Variants in KIF26B observed in about 807,000 individuals in gnomAD.
KIF26B encodes kinesin-like protein KIF26B.
A neutral mutation model predicts 151.2 loss-of-function variants in KIF26B; 63 were observed. The observed-to-expected ratio is 0.42, with a 90% CI of 0.34 to 0.51. KIF26B has a LOEUF of 0.51. Ranked by LOEUF, KIF26B falls within the 20% of genes least tolerant of loss-of-function variation. The probability of loss-of-function intolerance (pLI) is 0.07; values close to 1 mark genes in which losing one functional copy is unlikely to be tolerated. For synonymous variants in KIF26B, 1,357 were observed against 1,262.1 expected, an observed-to-expected ratio of 1.08 and a Z score of -1.59; for missense variants, 2,813 against 2,913.6, an observed-to-expected ratio of 0.97 and a Z score of 0.79.
At chr1:245,171,948 C>G (rs1038590022) in intron 2 of KIF26B, among the ~76,000 whole-genome samples, 1 of 152,196 alleles carries the variant, frequency 6.6e-6, no homozygotes, top group African/African-American at 2.4e-5. Flanking sequence ...ATGTGAGTAT[C>G]CAAGCTCCCA....
chr1:245,364,422 C>CTCT (rs1672894383), intron 2 of KIF26B, among the ~76,000 whole-genome samples: 1 of 98,920 alleles, frequency 1.0e-5, no homozygotes. Context: ...CTCTCTCTCT[C>CTCT]TTTTTTTTTT....
At chr1:245,295,685 T>C (rs1439571437) in intron 2 of KIF26B, among the ~76,000 whole-genome samples, 1 of 152,254 alleles carries the variant, frequency 6.6e-6, no homozygotes, top group African/African-American at 2.4e-5. Context: ...CGATTCTGTT[T>C]ACTATTTTCT....
At chr1:245,286,643 C>A (rs1316192822) in intron 2 of KIF26B, among the ~76,000 whole-genome samples, 1 of 152,124 alleles carries the variant, frequency 6.6e-6, no homozygotes, top group Non-Finnish European at 1.5e-5. Context: ...CAATGGGATA[C>A]AAACTTGTTC....
At chr1:245,521,970 C>T (rs538580392) in intron 4 of KIF26B, among the ~76,000 whole-genome samples, 2 of 151,432 alleles carry the variant, frequency 1.3e-5, no homozygotes, top group South Asian at 2.1e-4. Context: ...CCCGTGTTCA[C>T]GCCATTCTCC....
intron 12 of KIF26B, among the ~76,000 whole-genome samples, chr1:245,696,773 C>T (rs546277360): frequency 6.6e-6 from 1 of 152,260 alleles, no homozygotes. Context: ...AAACTAAATG[C>T]GATTGTGTAT....
chr1:245,558,888 C>T (rs1662101151), intron 5 of KIF26B, among the ~76,000 whole-genome samples: 1 of 152,198 alleles, frequency 6.6e-6, no homozygotes, highest in Admixed American at 6.5e-5. Context: ...ATGCATTTTT[C>T]TGTCTAGGCA....
chr1:245,606,477 T>G lies in KIF26B; in HGVS notation c.1558-1174T>G, dbSNP rs2103149659. Among the ~76,000 whole-genome samples, 1 of 152,330 alleles carries G rather than the reference T, an allele frequency of 6.6e-6. No individual in the cohort carries two copies. The highest frequency in any genetic ancestry group is 1.9e-4 in the East Asian group (1 of 5,168). On this transcript the variant is annotated intron_variant, in intron 6 of 14. Coordinates refer to ENST00000407071, the MANE Select transcript of KIF26B (RefSeq NM_018012.4). This position sits in a 1 kb window ranked among gnomAD's most constrained non-coding sequence, Gnocchi z 4.6. ...GGCACAGCGAATAATGCTATCTTTCTGCTTCTGTGACAAGTCTCAGGTGCT... is the reference window on the plus strand; with the variant it reads ...GGCACAGCGAATAATGCTATCTTTCGGCTTCTGTGACAAGTCTCAGGTGCT...
At chr1:245,483,517 G>A (rs140129576) in intron 4 of KIF26B, among the ~76,000 whole-genome samples, 3,038 of 151,980 alleles carry the variant, frequency 0.02, 97 homozygotes, top group South Asian at 0.036. Flanking sequence ...CTGGTGTTGG[G>A]GGAGCGGGGA....
intron 3 of KIF26B, among the ~76,000 whole-genome samples, chr1:245,383,500 C>T (rs940823970): frequency 2.5e-4 from 38 of 152,298 alleles, no homozygotes; most frequent in African/African-American, 9.1e-4. Flanking sequence ...TCTTGTTTTC[C>T]TCTAAAGACA....
chr1:245,364,924 GAATGAATGAACATTTCCTAGTGAAAAC>G (rs1672908873), intron 2 of KIF26B, among the ~76,000 whole-genome samples: 1 of 152,176 alleles, frequency 6.6e-6, no homozygotes, highest in Non-Finnish European at 1.5e-5. Context: ...AATCCCGTTT[GAATGAATGAACATTTCCTAGTGAAAAC>G]ATGGGGCTGG....
chr1:245,187,155 A>G (rs1669014851), intron 2 of KIF26B, among the ~76,000 whole-genome samples: 1 of 152,154 alleles, frequency 6.6e-6, no homozygotes, highest in Non-Finnish European at 1.5e-5. Flanking sequence ...GCACTCAGCC[A>G]AGCCAGGTAC....
In KIF26B at chr1:245,155,208, G is replaced by A. The variant is rs1296573247; in HGVS notation, c.-217G>A. 2.9e-5 allele frequency: 17 copies of A among 584,094 alleles called. No individual in the cohort carries two copies. The highest frequency in any genetic ancestry group is 3.6e-5 in the Non-Finnish European group (12 of 336,054). 36.2% of individuals were successfully genotyped at this position (584,094 alleles called of 1,614,324 possible). A position where few individuals can be genotyped will look rare whatever the true frequency, so the allele number is the denominator to read the frequency against. ...GGGACGAGGAAAAGCATGCTTTGAA[G>A]AGAAGAATAAACCAGCGACCCCAAC... is the stretch of plus-strand genomic sequence containing the variant. On this transcript the variant is annotated 5_prime_UTR_variant, in exon 1 of 15. Coordinates refer to ENST00000407071, the MANE Select transcript of KIF26B (RefSeq NM_018012.4).
intron 3 of KIF26B, among the ~76,000 whole-genome samples, chr1:245,382,408 T>C (rs1377707292): frequency 1.3e-5 from 2 of 152,130 alleles, no homozygotes; most frequent in African/African-American, 2.4e-5. Flanking sequence ...TCCTCTTCCA[T>C]AGAATGGGGA....
chr1:245,522,123 C>A (rs1183359541), intron 4 of KIF26B, among the ~76,000 whole-genome samples: 2 of 152,142 alleles, frequency 1.3e-5, no homozygotes, highest in Non-Finnish European at 2.9e-5. Flanking sequence ...CCCGCCTTGG[C>A]CTCCCAAAGT....
chr1:245,497,767 A>C (rs946661109), intron 4 of KIF26B, among the ~76,000 whole-genome samples: 7 of 152,208 alleles, frequency 4.6e-5, no homozygotes, highest in African/African-American at 1.7e-4. Flanking sequence ...ATTTTAAGAC[A>C]GAATCTTGCC....
At chr1:245,661,320 T>C (rs1389468228) in intron 10 of KIF26B, among the ~76,000 whole-genome samples, 2 of 138,166 alleles carry the variant, frequency 1.4e-5, no homozygotes, top group African/African-American at 5.4e-5. Context: ...GTGGGTTATT[T>C]AGAAATGTAT....
intron 2 of KIF26B, among the ~76,000 whole-genome samples, chr1:245,309,065 C>G (rs1440320117): frequency 6.6e-6 from 1 of 152,118 alleles, no homozygotes; most frequent in Non-Finnish European, 1.5e-5. Flanking sequence ...GGCTCTCACC[C>G]TTGATGGACA....
chr1:245,157,687 G>C (rs1035999598), intron 2 of KIF26B, among the ~76,000 whole-genome samples: 1 of 152,204 alleles, frequency 6.6e-6, no homozygotes, highest in Non-Finnish European at 1.5e-5. Flanking sequence ...AGGAGAATTG[G>C]TTTTATGAAT....
At chr1:245,474,438 G>A (rs1485487566) in intron 4 of KIF26B, among the ~76,000 whole-genome samples, 1 of 137,942 alleles carries the variant, frequency 7.2e-6, no homozygotes, top group Non-Finnish European at 1.5e-5. Context: ...TTTTTTTGGA[G>A]TCTCACTCTG....
Sources: allele counts gnomAD v4.1 joint callset (sites outside exome capture counted in the v4.1 genomes callset), GRCh38; gene constraint gnomAD v4.1.1; non-coding constraint Gnocchi (gnomAD v3.1); transcripts MANE v1.5; gene names NCBI Gene and HGNC (gene_info 2026-07-23, HGNC 2026-07-21).